TMEM9: variants seen among roughly 807,000 people sequenced by gnomAD.
TMEM9 encodes the protein transmembrane protein 9, also known as proton-transporting V-type ATPase complex assembly regulator TMEM9.
In TMEM9, 13 loss-of-function variants were observed where a neutral mutation model predicts 22.8. The ratio of observed to expected loss-of-function variants is 0.57; its 90% confidence interval spans 0.37 to 0.91. The LOEUF (loss-of-function observed/expected upper bound fraction) is 0.91. Among genes scored for constraint, TMEM9 ranks in the 40% least tolerant of loss-of-function variants. The pLI, the probability that TMEM9 is intolerant of heterozygous loss-of-function variation, is 0.01. For synonymous variants in TMEM9, 88 were observed against 93.0 expected, an observed-to-expected ratio of 0.95 and a Z score of 0.31; for missense variants, 182 against 238.1, an observed-to-expected ratio of 0.76 and a Z score of 1.55.
chr1:201,136,171 A>C (rs565928136), intron 4 of TMEM9, among the ~76,000 whole-genome samples: 69 of 152,222 alleles, frequency 4.5e-4, no homozygotes, highest in African/African-American at 1.5e-3. Flanking sequence ...ACCCCTCACC[A>C]TGCCCCATTC....
At chr1:201,144,739 T>C (rs946589180) in intron 3 of TMEM9, 1 of 152,188 alleles carries the variant, frequency 6.6e-6, no homozygotes, top group African/African-American at 2.4e-5. Context: ...ACACCTGTTA[T>C]TGGGACCACA....
upstream of TMEM9, among the ~76,000 whole-genome samples, chr1:201,157,625 A>G (rs1262854139): frequency 2.0e-5 from 3 of 152,214 alleles, no homozygotes; most frequent in Non-Finnish European, 4.4e-5. Flanking sequence ...TTTTTTGAGC[A>G]CTGTGCTAGG....
upstream of TMEM9, among the ~76,000 whole-genome samples, chr1:201,158,870 G>A (rs752962354): frequency 1.3e-5 from 2 of 152,104 alleles, no homozygotes; most frequent in South Asian, 2.1e-4. Context: ...CTTGGCATCC[G>A]TGCCACAGCT....
chr1:201,162,535 G>GAAAA (rs34818227), intron 1 of TMEM9, among the ~76,000 whole-genome samples: 2 of 114,966 alleles, frequency 1.7e-5, no homozygotes, highest in East Asian at 5.2e-4. Context: ...CATACATAGG[G>GAAAA]AAAAAAAAAA....
upstream of TMEM9, among the ~76,000 whole-genome samples, chr1:201,158,789 C>T (rs1665871381): frequency 6.6e-6 from 1 of 152,166 alleles, no homozygotes; most frequent in Non-Finnish European, 1.5e-5. Context: ...CAGGCCAAAA[C>T]CCATACCCTC....
At chr1:201,168,244 T>G (rs1284024810) in intron 1 of TMEM9, among the ~76,000 whole-genome samples, 1 of 152,242 alleles carries the variant, frequency 6.6e-6, no homozygotes, top group Non-Finnish European at 1.5e-5. Flanking sequence ...GGTGGACATG[T>G]GCATTCATCT....
chr1:201,148,932 A>T (rs889599651), intron 2 of TMEM9, among the ~76,000 whole-genome samples: 1 of 152,210 alleles, frequency 6.6e-6, no homozygotes, highest in Non-Finnish European at 1.5e-5. Context: ...CTTGGCTGCC[A>T]TTCCTGTCCA....
In TMEM9 at chr1:201,135,373, A is replaced by G. The variant is rs909046908; in HGVS notation, c.*290T>C. ...AGTGGAGCCAGGAGAGACAGATCGC[A>G]TCCACTCCTGAGGCCGCCTCGAATG... On this transcript the variant is annotated 3_prime_UTR_variant, in exon 5 of 5. Coordinates refer to ENST00000367330, the MANE Select transcript of TMEM9 (RefSeq NM_001288565.2). 2 of 271,448 alleles carry G rather than the reference A, an allele frequency of 7.4e-6. No homozygotes were observed. The highest frequency in any genetic ancestry group is 6.9e-6 in the Non-Finnish European group (1 of 144,796). 16.8% of individuals were successfully genotyped at this position (271,448 alleles called of 1,614,324 possible).
At chr1:201,168,143 C>T (rs951930326) in intron 1 of TMEM9, among the ~76,000 whole-genome samples, 23 of 152,304 alleles carry the variant, frequency 1.5e-4, no homozygotes, top group African/African-American at 5.3e-4. Context: ...GAATATACCA[C>T]GATTCACTTA....
chr1:201,135,556 A>T lies in TMEM9; in HGVS notation c.*107T>A. The T allele has an allele frequency of 8.1e-7, 1 of 1,233,668 alleles. No homozygotes were observed. Among genetic ancestry groups the T allele is most frequent in the Non-Finnish European group, 1.1e-6 (1 of 913,900 alleles). 76.4% of individuals were successfully genotyped at this position (1,233,668 alleles called of 1,614,324 possible). A position where few individuals can be genotyped will look rare whatever the true frequency, so the allele number is the denominator to read the frequency against. ...AGGAGGAAAAATGCCACAGGCTTTTAAAGGGAAGACTGGAACCGAGGGAAG... is the reference window on the plus strand; with the variant it reads ...AGGAGGAAAAATGCCACAGGCTTTTTAAGGGAAGACTGGAACCGAGGGAAG... On this transcript the variant is annotated 3_prime_UTR_variant, in exon 5 of 5. Transcript: ENST00000367330.
chr1:201,164,741 A>AT (rs1418505807), intron 1 of TMEM9, among the ~76,000 whole-genome samples: 1 of 152,114 alleles, frequency 6.6e-6, no homozygotes, highest in Non-Finnish European at 1.5e-5. Flanking sequence ...CTCAGACAGG[A>AT]TCATTTCACA....
In TMEM9 at chr1:201,135,621, C is replaced by A; in HGVS notation, c.*42G>T. On this transcript the variant is annotated 3_prime_UTR_variant, in exon 5 of 5. Coordinates refer to ENST00000367330, the MANE Select transcript of TMEM9 (RefSeq NM_001288565.2). ...CTGCTTTGTCCAGCCTGGAAGCTGG[C>A]AGCCATGGTGTTGGGGCCTTGACCC... is the stretch of plus-strand genomic sequence containing the variant. The A allele has an allele frequency of 1.3e-6, 2 of 1,532,802 alleles. No individual in the cohort carries two copies. The highest frequency in any genetic ancestry group is 2.0e-5 in the Admixed American group (1 of 50,002). 95.0% of individuals were successfully genotyped at this position (1,532,802 alleles called of 1,614,324 possible).
intron 3 of TMEM9, chr1:201,146,505 C>T (rs1013930816): frequency 2.9e-5 from 18 of 621,570 alleles, no homozygotes; most frequent in Admixed American, 1.2e-4. Flanking sequence ...GCAGCTCTCC[C>T]AGGGCTCTCC....
chr1:201,170,295 C>T (rs1168894890), intron 1 of TMEM9, among the ~76,000 whole-genome samples: 1 of 152,174 alleles, frequency 6.6e-6, no homozygotes, highest in Admixed American at 6.5e-5. Flanking sequence ...CCAATGTCAT[C>T]CCCCAAGATG....
intron 4 of TMEM9, among the ~76,000 whole-genome samples, chr1:201,143,035 T>G (rs1370833524): frequency 6.6e-6 from 1 of 152,202 alleles, no homozygotes; most frequent in Non-Finnish European, 1.5e-5. Context: ...CTTTTTAGTA[T>G]GAGGATGAAT....
At chr1:201,165,670 C>T (rs12117460) in intron 1 of TMEM9, among the ~76,000 whole-genome samples, 17,053 of 152,126 alleles carry the variant, frequency 0.11, 1,284 homozygotes, top group Middle Eastern at 0.17. Flanking sequence ...CTCCTGACCT[C>T]GTGATCCTCC....
intron 4 of TMEM9, among the ~76,000 whole-genome samples, chr1:201,139,584 C>A (rs1216747237): frequency 6.6e-6 from 1 of 152,144 alleles, no homozygotes; most frequent in Non-Finnish European, 1.5e-5. Context: ...CCCCCCTTAC[C>A]CCCCAGCCCA....
At chr1:201,162,546 A>T (rs1048636244) in intron 1 of TMEM9, among the ~76,000 whole-genome samples, 2 of 152,082 alleles carry the variant, frequency 1.3e-5, no homozygotes, top group Admixed American at 6.5e-5. Context: ...AAAAAAAAAA[A>T]AAAACCCTGA....
intron 4 of TMEM9, among the ~76,000 whole-genome samples, chr1:201,140,216 T>C (rs1177001217): frequency 6.6e-6 from 1 of 152,210 alleles, no homozygotes; most frequent in Non-Finnish European, 1.5e-5. Context: ...CTCTACCCAC[T>C]GCCCCAGCAG....
Sources: gnomAD v4.1 joint callset for allele counts (sites outside exome capture counted in the v4.1 genomes callset) on GRCh38, gnomAD v4.1.1 for gene constraint, MANE v1.5 for transcripts, NCBI Gene and HGNC (gene_info 2026-07-23, HGNC 2026-07-21) for gene names.